Variants in FAAH2 observed in about 807,000 individuals in gnomAD.
FAAH2 encodes the protein fatty acid amide hydrolase 2.
Under a neutral mutation model 36.9 loss-of-function variants are expected in FAAH2, and 60 were observed. That is an observed-to-expected ratio of 1.63 (90% confidence interval 1.32 to 2.02). The LOEUF (loss-of-function observed/expected upper bound fraction) is 2.02, where lower values mean the gene tolerates loss of function less well. FAAH2 is among the 30% of genes most tolerant of loss of function. The pLI, the probability that FAAH2 is intolerant of heterozygous loss-of-function variation, is 0.00. For synonymous variants in FAAH2, 214 were observed against 143.8 expected (o/e 1.49, Z -3.49); for missense variants, 689 against 397.5 (o/e 1.73, Z -6.23).
chrX:57,414,238 T>C (rs1025993329), intron 7 of FAAH2, among the ~76,000 whole-genome samples: 1 of 112,125 alleles, frequency 8.9e-6, no homozygotes, highest in Non-Finnish European at 1.9e-5. Context: ...CCAGAAATTC[T>C]GATACTATTT....
At chrX:57,401,283 A>T (rs1441096509) in intron 7 of FAAH2, among the ~76,000 whole-genome samples, 1 of 111,650 alleles carries the variant, frequency 9.0e-6, no homozygotes, top group African/African-American at 3.3e-5. Context: ...CTGGCCAAAT[A>T]GATGGGGGCT....
intron 3 of FAAH2, among the ~76,000 whole-genome samples, chrX:57,324,755 T>A (rs1255928554): frequency 1.8e-5 from 2 of 111,879 alleles, no homozygotes; most frequent in African/African-American, 6.5e-5. Flanking sequence ...GATGATGGGG[T>A]TTTCTAAATA....
chrX:57,197,159 C>G, the FAAH2 span, among the ~76,000 whole-genome samples: 4 of 111,541 alleles, frequency 3.6e-5, no homozygotes, highest in Non-Finnish European at 7.5e-5. Context: ...TTGTTCTAGT[C>G]TGTTGTTGAA....
the FAAH2 span, among the ~76,000 whole-genome samples, chrX:57,165,682 A>G: frequency 9.0e-6 from 1 of 111,121 alleles, no homozygotes; most frequent in Admixed American, 9.6e-5. Flanking sequence ...CTAAAACTTA[A>G]AAGTATAGTA....
chrX:57,145,646 G>C, the FAAH2 span, among the ~76,000 whole-genome samples: 1 of 112,027 alleles, frequency 8.9e-6, no homozygotes, highest in Non-Finnish European at 1.9e-5. Context: ...CCAATGTCTA[G>C]AAGGATTTCT....
At chrX:57,166,925 T>C in the FAAH2 span, among the ~76,000 whole-genome samples, 1 of 112,209 alleles carries the variant, frequency 8.9e-6, no homozygotes, top group African/African-American at 3.2e-5. Flanking sequence ...ATTTGTGGAA[T>C]GTGTAGACAG....
At chrX:57,190,635 G>T in the FAAH2 span, among the ~76,000 whole-genome samples, 1 of 110,062 alleles carries the variant, frequency 9.1e-6, no homozygotes, top group Non-Finnish European at 1.9e-5. Context: ...GCTTCCTTTG[G>T]CTGGGAAAGG....
chrX:57,287,812 G>T (rs773483991), intron 1 of FAAH2, among the ~76,000 whole-genome samples: 39 of 111,017 alleles, frequency 3.5e-4, no homozygotes, highest in African/African-American at 1.3e-3. Flanking sequence ...TTTGTTTTTC[G>T]TCATTGCTTT....
intron 10 of FAAH2, among the ~76,000 whole-genome samples, chrX:57,461,663 G>T (rs992727122): frequency 1.8e-5 from 2 of 110,869 alleles, no homozygotes; most frequent in African/African-American, 3.3e-5. Flanking sequence ...TGTTAAGAGG[G>T]ACATTTATAG....
chrX:57,148,684 T>C, the FAAH2 span, among the ~76,000 whole-genome samples: 9 of 111,983 alleles, frequency 8.0e-5, no homozygotes, highest in Non-Finnish European at 1.3e-4. Flanking sequence ...ATTTTCTAGA[T>C]ATACAGTGAT....
intron 10 of FAAH2, among the ~76,000 whole-genome samples, chrX:57,479,283 T>C (rs1467988436): frequency 8.9e-6 from 1 of 111,902 alleles, no homozygotes; most frequent in Non-Finnish European, 1.9e-5. Flanking sequence ...GATTTGGCTC[T>C]CTGTTTGTCT....
intron 10 of FAAH2, among the ~76,000 whole-genome samples, chrX:57,451,847 G>A (rs2056788947): frequency 8.9e-6 from 1 of 112,433 alleles, no homozygotes; most frequent in Non-Finnish European, 1.9e-5. Context: ...TTTGCATAAT[G>A]TCACTGGAAT....
In FAAH2 at chrX:57,286,876, A is replaced by G. The variant is rs2051821610; in HGVS notation, c.51A>G (p.Leu17=). The change falls in exon 1 of 11, where the codon CTA becomes CTG. Residue 17 remains leucine (L), a synonymous_variant. Coordinates refer to ENST00000374900, the MANE Select transcript of FAAH2 (RefSeq NM_174912.4). ...ARIQLFLLRA[L]GFLIGLVGRA... is the part of the protein sequence containing the mutation. Reference sequence around the variant, plus strand: ...TTCAGTTGTTCCTCTTGCGGGCGCTAGGCTTTCTCATAGGCTTAGTAGGCC... The same window carrying G: ...TTCAGTTGTTCCTCTTGCGGGCGCTGGGCTTTCTCATAGGCTTAGTAGGCC... The G allele has an allele frequency of 8.4e-7, 1 of 1,194,132 alleles. No individual in the cohort carries two copies. Among genetic ancestry groups the G allele is most frequent in the African/African-American group, 1.8e-5 (1 of 56,282 alleles).
intron 3 of FAAH2, among the ~76,000 whole-genome samples, chrX:57,311,886 T>C (rs761902814): frequency 8.9e-6 from 1 of 112,077 alleles, no homozygotes; most frequent in East Asian, 2.8e-4. Context: ...GGCTACAGCG[T>C]GCTACTTGAG....
chrX:57,367,467 TA>T (rs764558540), intron 5 of FAAH2, among the ~76,000 whole-genome samples: 1 of 112,197 alleles, frequency 8.9e-6, no homozygotes, highest in East Asian at 2.8e-4. Context: ...ACAAAAAATG[TA>T]AAAAAGGATT....
chrX:57,301,016 A>G (rs1602203274), intron 2 of FAAH2, among the ~76,000 whole-genome samples: 2 of 111,004 alleles, frequency 1.8e-5, no homozygotes, highest in African/African-American at 6.6e-5. Flanking sequence ...TGTTGGTGGG[A>G]CTGTAAACTA....
the FAAH2 span, among the ~76,000 whole-genome samples, chrX:57,185,984 G>C: frequency 9.0e-6 from 1 of 111,502 alleles, no homozygotes; most frequent in Non-Finnish European, 1.9e-5. Flanking sequence ...CATTTGGGTT[G>C]GTTCCAGGTC....
At chrX:57,330,508 G>C (rs1000037964) in intron 3 of FAAH2, among the ~76,000 whole-genome samples, 4 of 111,390 alleles carry the variant, frequency 3.6e-5, no homozygotes, top group African/African-American at 1.3e-4. Flanking sequence ...CCCCGGTCCT[G>C]AGGTCCTGTG....
At chrX:57,195,128 G>C in the FAAH2 span, among the ~76,000 whole-genome samples, 241 of 111,594 alleles carry the variant, frequency 2.2e-3, no homozygotes, top group African/African-American at 7.6e-3. Flanking sequence ...TAGATACCCA[G>C]TACTGAGACT....
Sources: gnomAD v4.1 joint callset for allele counts (sites outside exome capture counted in the v4.1 genomes callset) on GRCh38, gnomAD v4.1.1 for gene constraint, MANE v1.5 for transcripts, NCBI Gene and HGNC (gene_info 2026-07-23, HGNC 2026-07-21) for gene names.